Variants in FAM193A observed in about 807,000 individuals in gnomAD.
FAM193A encodes family with sequence similarity 193 member A.
A neutral mutation model predicts 126.5 loss-of-function variants in FAM193A; 22 were observed. The observed-to-expected ratio is 0.17, with a 90% CI of 0.12 to 0.25. The LOEUF (loss-of-function observed/expected upper bound fraction) is 0.25, where lower values mean the gene tolerates loss of function less well. Ranked by LOEUF, FAM193A falls within the 10% of genes least tolerant of loss-of-function variation. FAM193A has a pLI of 1.00. For synonymous variants in FAM193A, 761 were observed against 646.8 expected, an observed-to-expected ratio of 1.18 and a Z score of -2.68; for missense variants, 1,675 against 1,672.8, an observed-to-expected ratio of 1.00 and a Z score of -0.02.
At chr4:2,629,846 T>A (rs535804566) in intron 4 of FAM193A, among the ~76,000 whole-genome samples, 13 of 152,134 alleles carry the variant, frequency 8.5e-5, no homozygotes, top group Admixed American at 8.5e-4. Flanking sequence ...AAATGTGCAT[T>A]ATCGGCCGGG....
intron 1 of FAM193A, among the ~76,000 whole-genome samples, chr4:2,561,230 G>C (rs1738593938): frequency 6.6e-6 from 1 of 152,210 alleles, no homozygotes; most frequent in Admixed American, 6.5e-5. Context: ...GCCCAGGCTG[G>C]AGTGCAGTGG....
At chr4:2,701,735 T>G (rs1717754186) in intron 19 of FAM193A, among the ~76,000 whole-genome samples, 1 of 152,164 alleles carries the variant, frequency 6.6e-6, no homozygotes, top group Non-Finnish European at 1.5e-5. Flanking sequence ...CATCCATTAA[T>G]GATTCTTGCC....
At chr4:2,676,637 A>G (rs1040241084) in intron 13 of FAM193A, among the ~76,000 whole-genome samples, 3 of 152,082 alleles carry the variant, frequency 2.0e-5, no homozygotes, top group African/African-American at 7.2e-5. Context: ...GTGTCTGTTG[A>G]CGCACAACAT....
chr4:2,662,592 C>T (rs1029437730), intron 10 of FAM193A, among the ~76,000 whole-genome samples: 1 of 152,152 alleles, frequency 6.6e-6, no homozygotes, highest in African/African-American at 2.4e-5. Flanking sequence ...AATATTTCTA[C>T]TTTTGGAGGT....
intron 20 of FAM193A, 87 bp from the exon 21 acceptor site, chr4:2,731,688 A>G (rs1721412268): frequency 3.0e-6 from 3 of 1,007,204 alleles, no homozygotes; most frequent in African/African-American, 1.6e-5. Context: ...GTTTCTGGCA[A>G]GAACAGGAGT....
intron 2 of FAM193A, among the ~76,000 whole-genome samples, chr4:2,624,141 G>T (rs1742733604): frequency 6.6e-6 from 1 of 152,102 alleles, no homozygotes; most frequent in African/African-American, 2.4e-5. Context: ...AAATCCTTTT[G>T]GCGTGGGACA....
chr4:2,731,705 G>T, intron 20 of FAM193A, 70 bp from the exon 21 acceptor site: 1 of 1,196,310 alleles, frequency 8.4e-7, no homozygotes, highest in Non-Finnish European at 1.2e-6. Flanking sequence ...GAGTGTGATG[G>T]GCTTTGCCAA....
chr4:2,555,708 C>T (rs956057144), intron 1 of FAM193A, among the ~76,000 whole-genome samples: 27 of 152,164 alleles, frequency 1.8e-4, no homozygotes, highest in African/African-American at 6.5e-4. Context: ...AGCTCTGCCT[C>T]CCGGGCTCAC....
At chr4:2,612,224 C>G (rs1741922427) in intron 2 of FAM193A, among the ~76,000 whole-genome samples, 1 of 151,684 alleles carries the variant, frequency 6.6e-6, no homozygotes, top group Admixed American at 6.6e-5. Context: ...TTTGCCCTGG[C>G]CGGGCCGTGG....
chr4:2,562,756 A>G (rs2108842460), intron 1 of FAM193A, among the ~76,000 whole-genome samples: 1 of 150,978 alleles, frequency 6.6e-6, no homozygotes, highest in East Asian at 1.9e-4. Context: ...CATCCTTCCC[A>G]GTAGCTGGGA....
Position 2,672,127 on chromosome 4 carries a change from C to G in FAM193A, c.2086C>G (p.Gln696Glu), listed in dbSNP as rs1276200836. 6.2e-7 allele frequency: 1 copy of G among 1,614,078 alleles called. No individual in the cohort carries two copies. The highest frequency in any genetic ancestry group is 8.5e-7 in the Non-Finnish European group (1 of 1,179,944). Residue 696 changes from glutamine (Q) to glutamate (E), a missense_variant, in exon 13 of 21, where the codon CAA (glutamine) becomes GAA (glutamate). Gln to Glu is a conservative substitution (Grantham distance 29). This residue lies in a region of FAM193A where 1,186 missense variants were observed against 1,109.2 expected (regional missense o/e 1.07). Transcript: ENST00000637812. ...PPSYPTQQAE[Q>E]APNTCECHVC... is the part of the protein sequence containing the mutation. ...TTTTTTTCTTTCCTCTTAGGCTGAA[C>G]AAGCTCCAAACACTTGTGAATGTCA... is the stretch of plus-strand genomic sequence containing the variant.
rs191955908 is a variant in FAM193A, at chr4:2,703,913, G to T, written c.4372+3369G>T. On this transcript the variant is annotated intron_variant, in intron 19 of 20. Transcript: ENST00000637812. Reference sequence around the variant, plus strand: ...CTGGAGCCCAGGAGTTTGAGGCTGCGGTGTGTCATGATTGCACCACTGCAC... The same window carrying T: ...CTGGAGCCCAGGAGTTTGAGGCTGCTGTGTGTCATGATTGCACCACTGCAC... 5.7e-3 allele frequency among the ~76,000 whole-genome samples: 865 copies of T among 151,518 alleles called. 3 individuals are homozygous for T. Among genetic ancestry groups the T allele is most frequent in the Non-Finnish European group, 9.6e-3 (651 of 67,890 alleles).
At chr4:2,669,452 T>C (rs935117416) in intron 12 of FAM193A, among the ~76,000 whole-genome samples, 1 of 151,860 alleles carries the variant, frequency 6.6e-6, no homozygotes, top group African/African-American at 2.4e-5. Flanking sequence ...CTTCTAAAAA[T>C]ACAAAAATTA....
chr4:2,597,447 C>G (rs1295938744), intron 2 of FAM193A, among the ~76,000 whole-genome samples: 1 of 152,164 alleles, frequency 6.6e-6, no homozygotes, highest in Non-Finnish European at 1.5e-5. Context: ...CAGCCCTGCT[C>G]TTGTATTTTA....
chr4:2,639,970 A>T, intron 6 of FAM193A, 111 bp downstream of exon 6: 1 of 1,051,890 alleles, frequency 9.5e-7, no homozygotes, highest in East Asian at 2.5e-5. Flanking sequence ...TTGCAGGAAA[A>T]ATAACAGGGC....
chr4:2,689,452 C>G, intron 13 of FAM193A, 54 bp from the exon 14 acceptor site: 1 of 1,312,454 alleles, frequency 7.6e-7, no homozygotes, highest in Non-Finnish European at 1.1e-6. Flanking sequence ...AACTACTTAC[C>G]TAGGTAAACA....
At chr4:2,547,825 A>G (rs868742295) in intron 1 of FAM193A, among the ~76,000 whole-genome samples, 1 of 151,476 alleles carries the variant, frequency 6.6e-6, no homozygotes, top group African/African-American at 2.4e-5. Flanking sequence ...GGATTTCACC[A>G]TGTTGGCCAG....
intron 1 of FAM193A, among the ~76,000 whole-genome samples, chr4:2,585,978 T>C (rs959106349): frequency 2.0e-5 from 3 of 152,060 alleles, no homozygotes; most frequent in African/African-American, 7.2e-5. Context: ...GTGGGGTGGC[T>C]CATGCCTGTA....
Position 2,717,064 on chromosome 4 carries a change from C to T in FAM193A, c.4454+960C>T, listed in dbSNP as rs565544652. On this transcript the variant is annotated intron_variant, in intron 20 of 20. Coordinates refer to ENST00000637812, the MANE Select transcript of FAM193A (RefSeq NM_001366318.2). ...TTGTGATCTGGGCTCACTGCAATCC[C>T]CACCTCCTACGTTCAAGCGATTCTC... Among the ~76,000 whole-genome samples, 7 of 152,144 alleles carry T rather than the reference C, an allele frequency of 4.6e-5. 1 individual carries two copies. The South Asian group carries it at 1.5e-3, about 32-fold the overall frequency.
Sources: gnomAD v4.1 joint callset for allele counts (sites outside exome capture counted in the v4.1 genomes callset) on GRCh38, gnomAD v4.1.1 for gene constraint, gnomAD v4.1.1 regional missense constraint, MANE v1.5 for transcripts, NCBI Gene and HGNC (gene_info 2026-07-23, HGNC 2026-07-21) for gene names.